Variants in SGCD observed in about 807,000 individuals in gnomAD.
SGCD encodes the protein sarcoglycan delta, also known as delta-sarcoglycan.
SGCD carries 18 observed loss-of-function variants against 36.6 expected under a neutral mutation model. The ratio of observed to expected loss-of-function variants is 0.49; its 90% CI spans 0.34 to 0.73. The LOEUF (loss-of-function observed/expected upper bound fraction) is 0.73. SGCD is among the 30% of genes least tolerant of loss of function. The probability of loss-of-function intolerance (pLI) is 0.01; values close to 1 mark genes in which losing one functional copy is unlikely to be tolerated. For missense variants in SGCD, 387 were observed against 346.7 expected (o/e 1.12, Z -0.92); for synonymous variants, 133 against 130.6 (o/e 1.02, Z -0.12).
At chr5:156,724,040 T>C (rs2113787410) in intron 7 of SGCD, among the ~76,000 whole-genome samples, 1 of 152,300 alleles carries the variant, frequency 6.6e-6, no homozygotes, top group Middle Eastern at 3.4e-3. Flanking sequence ...GTGATGACAG[T>C]GGGTGTAAAA....
At chr5:156,736,667 C>G (rs911130593) in intron 7 of SGCD, among the ~76,000 whole-genome samples, 76 of 152,234 alleles carry the variant, frequency 5.0e-4, no homozygotes, top group African/African-American at 1.7e-3. Context: ...TGGACTTGGG[C>G]AAGTCATTCC....
rs995779219 is a variant in SGCD, at chr5:156,765,932, G to C, written c.*6542G>C. 11 of 150,862 alleles carry C rather than the reference G, an allele frequency of 7.3e-5. No homozygotes were observed. Among genetic ancestry groups the C allele is most frequent in the Non-Finnish European group, 7.4e-5 (5 of 67,864 alleles). 9.3% of individuals were successfully genotyped at this position (150,862 alleles called of 1,614,324 possible). ...TCACAGTGACAGCATCTATACTAAA[G>C]TATAGATACCTAAGGGGAAAATATA... On this transcript the variant is annotated 3_prime_UTR_variant, in exon 9 of 9. Coordinates refer to ENST00000337851, the MANE Select transcript of SGCD (RefSeq NM_000337.6).
intron 3 of SGCD, among the ~76,000 whole-genome samples, chr5:156,197,472 C>CTTTTTTTTTTT (rs368116194): frequency 7.5e-6 from 1 of 134,000 alleles, no homozygotes; most frequent in Non-Finnish European, 1.6e-5. Flanking sequence ...AATAGTTTTC[C>CTTTTTTTTTTT]TTTTTTTTTT....
intron 3 of SGCD, among the ~76,000 whole-genome samples, chr5:156,194,215 C>T (rs1452000925): frequency 6.6e-6 from 1 of 151,864 alleles, no homozygotes; most frequent in Non-Finnish European, 1.5e-5. Flanking sequence ...ATCTCTACCA[C>T]AAAAAATACA....
At chr5:155,937,307 C>A (rs1028869833) in intron 1 of SGCD, among the ~76,000 whole-genome samples, 1 of 152,220 alleles carries the variant, frequency 6.6e-6, no homozygotes, top group African/African-American at 2.4e-5. Context: ...CTGCTCCAGG[C>A]AGGCCGCTGC....
chr5:156,580,052 A>C lies in SGCD; in HGVS notation c.295-9179A>C, dbSNP rs11135287. Among the ~76,000 whole-genome samples the C allele has an allele frequency of 7.8e-4, 118 of 152,066 alleles. 1 individual carries two copies. Among genetic ancestry groups the C allele is most frequent in the African/African-American group, 2.7e-3 (114 of 41,472 alleles). ...GGCATGTTTTTGCAGTGGCTGGTAC[A>C]GGTTGTTCCTTTCCATGTTTAGTGC... is the stretch of plus-strand genomic sequence containing the variant. On this transcript the variant is annotated intron_variant, in intron 4 of 8. Coordinates refer to ENST00000337851, the MANE Select transcript of SGCD (RefSeq NM_000337.6).
chr5:156,433,183 C>T (rs989671718), intron 3 of SGCD, among the ~76,000 whole-genome samples: 3 of 152,238 alleles, frequency 2.0e-5, no homozygotes, highest in South Asian at 2.1e-4. Flanking sequence ...CTTTTCTGGT[C>T]GAGAAAGAAC....
intron 3 of SGCD, among the ~76,000 whole-genome samples, chr5:156,400,230 A>G (rs1292774998): frequency 6.6e-6 from 1 of 152,208 alleles, no homozygotes; most frequent in Non-Finnish European, 1.5e-5. Flanking sequence ...GGGAATTTGC[A>G]TTTTAACAAG....
At chr5:156,578,396 C>T in intron 4 of SGCD, among the ~76,000 whole-genome samples, 1 of 152,156 alleles carries the variant, frequency 6.6e-6, no homozygotes, top group East Asian at 1.9e-4. Flanking sequence ...GTGTCTCTGC[C>T]AGGCTTTGAT....
intron 3 of SGCD, among the ~76,000 whole-genome samples, chr5:156,124,984 C>A (rs1389858610): frequency 1.3e-5 from 2 of 152,088 alleles, no homozygotes; most frequent in Admixed American, 6.6e-5. Flanking sequence ...CAGGCTCATT[C>A]CCACACTTAG....
intron 3 of SGCD, among the ~76,000 whole-genome samples, chr5:156,296,261 A>G (rs976028782): frequency 1.3e-5 from 2 of 152,178 alleles, no homozygotes; most frequent in African/African-American, 2.4e-5. Flanking sequence ...TATAAGGCAG[A>G]TATCTCTATC....
chr5:155,799,612 T>A, the SGCD span, among the ~76,000 whole-genome samples: 1 of 151,846 alleles, frequency 6.6e-6, no homozygotes, highest in Admixed American at 6.6e-5. Flanking sequence ...GCCAGGCCGG[T>A]CTTGAACTCC....
chr5:155,995,245 C>T (rs1758517567), intron 1 of SGCD, among the ~76,000 whole-genome samples: 1 of 152,132 alleles, frequency 6.6e-6, no homozygotes, highest in Non-Finnish European at 1.5e-5. Context: ...CATTTCTTTT[C>T]AGCTGCCATA....
intron 4 of SGCD, among the ~76,000 whole-genome samples, chr5:156,566,991 G>C (rs535578347): frequency 1.6e-3 from 236 of 152,234 alleles, no homozygotes; most frequent in Non-Finnish European, 2.7e-3. Flanking sequence ...CAGCTTAGCT[G>C]TTAGAAAGTC....
the SGCD span, among the ~76,000 whole-genome samples, chr5:155,805,057 ATTAAT>A: frequency 6.6e-6 from 1 of 152,216 alleles, no homozygotes; most frequent in African/African-American, 2.4e-5. Context: ...TTTAATTTTA[ATTAAT>A]TTAAGTTTAA....
intron 1 of SGCD, among the ~76,000 whole-genome samples, chr5:155,898,903 T>C (rs919283308): frequency 6.6e-5 from 10 of 152,212 alleles, no homozygotes; most frequent in Non-Finnish European, 1.0e-4. Context: ...CCTGGCTAGA[T>C]GTGGCTCACG....
At chr5:156,347,810 T>C (rs747783583) in intron 3 of SGCD, among the ~76,000 whole-genome samples, 5 of 152,192 alleles carry the variant, frequency 3.3e-5, no homozygotes, top group Admixed American at 2.6e-4. Flanking sequence ...GAAGTATATG[T>C]AAATGTATAT....
chr5:156,617,196 A>C (rs980381155), intron 6 of SGCD, among the ~76,000 whole-genome samples: 6 of 152,214 alleles, frequency 3.9e-5, no homozygotes, highest in East Asian at 1.9e-4. Context: ...AATGGATTGA[A>C]AGATTTTGAA....
chr5:156,594,857 G>A (rs1307479608), intron 5 of SGCD, 75 bp from the exon 6 acceptor site: 6 of 980,370 alleles, frequency 6.1e-6, no homozygotes, highest in African/African-American at 3.2e-5. Context: ...TAGTCAAAGC[G>A]ATGAGACTAA....
Sources: gnomAD v4.1 joint callset for allele counts (sites outside exome capture counted in the v4.1 genomes callset) on GRCh38, gnomAD v4.1.1 for gene constraint, MANE v1.5 for transcripts, NCBI Gene and HGNC (gene_info 2026-07-23, HGNC 2026-07-21) for gene names.